Variants in CSTPP1 observed in about 807,000 individuals in gnomAD.
The protein encoded by CSTPP1 is centriolar satellite-associated tubulin polyglutamylase complex regulator 1, also known as UPF0705 protein C11orf49.
At chr11:46,948,346 A>G in the CSTPP1 span, among the ~76,000 whole-genome samples, 1 of 152,238 alleles carries the variant, frequency 6.6e-6, no homozygotes, top group African/African-American at 2.4e-5. Flanking sequence ...CTTGGGCAAC[A>G]TGAGGCTAGC....
chr11:46,951,504 C>T, the CSTPP1 span, among the ~76,000 whole-genome samples: 3 of 152,090 alleles, frequency 2.0e-5, no homozygotes, highest in South Asian at 4.2e-4. Context: ...AGGCTGGTCT[C>T]GAACTCCTGG....
the CSTPP1 span, among the ~76,000 whole-genome samples, chr11:47,072,289 G>A: frequency 2.0e-5 from 3 of 152,220 alleles, no homozygotes; most frequent in African/African-American, 7.2e-5. Flanking sequence ...ATTCTCATCT[G>A]GCATGACCAG....
the CSTPP1 span, among the ~76,000 whole-genome samples, chr11:47,017,073 G>A: frequency 2.7e-5 from 4 of 149,234 alleles, no homozygotes; most frequent in African/African-American, 7.4e-5. Flanking sequence ...GGATGGTCTC[G>A]ATCTCCTGAT....
At chr11:47,113,748 C>G in the CSTPP1 span, among the ~76,000 whole-genome samples, 2 of 152,020 alleles carry the variant, frequency 1.3e-5, no homozygotes, top group African/African-American at 4.8e-5. Flanking sequence ...TGGATATTAG[C>G]CCTTTGTCAG....
chr11:47,097,277 G>C, the CSTPP1 span, among the ~76,000 whole-genome samples: 1 of 126,896 alleles, frequency 7.9e-6, no homozygotes, highest in African/African-American at 2.8e-5. Context: ...GAGGGAGGTG[G>C]GGGGGTCAGC....
chr11:46,995,883 A>T, the CSTPP1 span, among the ~76,000 whole-genome samples: 4 of 152,156 alleles, frequency 2.6e-5, no homozygotes, highest in Non-Finnish European at 5.9e-5. Context: ...GGGGTGTTAA[A>T]GTCTCCCATT....
chr11:47,135,388 G>A, the CSTPP1 span, among the ~76,000 whole-genome samples: 225 of 152,264 alleles, frequency 1.5e-3, no homozygotes, highest in African/African-American at 5.1e-3. Context: ...TACATACCTG[G>A]TGAATCGCAG....
the CSTPP1 span, among the ~76,000 whole-genome samples, chr11:47,095,477 T>C: frequency 9.8e-5 from 15 of 152,342 alleles, no homozygotes; most frequent in East Asian, 2.9e-3. Context: ...GTTGCTTCAT[T>C]GAAGCTTACA....
chr11:47,154,344 A>G, the CSTPP1 span: 1 of 152,372 alleles, frequency 6.6e-6, no homozygotes, highest in African/African-American at 2.4e-5. Flanking sequence ...CCTGCCTGGC[A>G]TGTGATGGAG....
chr11:47,003,078 G>A, the CSTPP1 span, among the ~76,000 whole-genome samples: 7 of 152,194 alleles, frequency 4.6e-5, no homozygotes, highest in Non-Finnish European at 8.8e-5. Flanking sequence ...GGGAAGCCAA[G>A]GTGGGAAAAT....
chr11:47,008,116 C>T, the CSTPP1 span, among the ~76,000 whole-genome samples: 65 of 152,022 alleles, frequency 4.3e-4, no homozygotes, highest in East Asian at 4.7e-3. Flanking sequence ...TACAGGCCTG[C>T]GCCACCATGC....
At chr11:47,070,431 T>C in the CSTPP1 span, among the ~76,000 whole-genome samples, 1 of 152,060 alleles carries the variant, frequency 6.6e-6, no homozygotes, top group Admixed American at 6.6e-5. Context: ...CTTGGGGAGG[T>C]TGTCAAAAAG....
At chr11:46,995,131 A>T in the CSTPP1 span, among the ~76,000 whole-genome samples, 1 of 152,056 alleles carries the variant, frequency 6.6e-6, no homozygotes, top group Non-Finnish European at 1.5e-5. Context: ...TATCCCCTTT[A>T]TCATTTTTTA....
At chr11:47,150,354 C>G in the CSTPP1 span, among the ~76,000 whole-genome samples, 1 of 152,176 alleles carries the variant, frequency 6.6e-6, no homozygotes, top group Non-Finnish European at 1.5e-5. Flanking sequence ...CGTGGCTTCT[C>G]TCACTCATTT....
At chr11:47,086,205 A>G in the CSTPP1 span, among the ~76,000 whole-genome samples, 4 of 135,064 alleles carry the variant, frequency 3.0e-5, no homozygotes, top group African/African-American at 5.3e-5. Flanking sequence ...CCTGGCCAAC[A>G]TGATGAAACC....
the CSTPP1 span, among the ~76,000 whole-genome samples, chr11:47,028,242 C>T: frequency 6.6e-6 from 1 of 152,152 alleles, no homozygotes; most frequent in African/African-American, 2.4e-5. Context: ...TTTTCTATAG[C>T]ATTTACAATT....
the CSTPP1 span, among the ~76,000 whole-genome samples, chr11:47,100,460 A>G: frequency 6.6e-6 from 1 of 152,222 alleles, no homozygotes; most frequent in Non-Finnish European, 1.5e-5. Flanking sequence ...TGCTGTAGGA[A>G]AAATTTATGT....
At chr11:47,067,562 G>A in the CSTPP1 span, among the ~76,000 whole-genome samples, 5 of 152,150 alleles carry the variant, frequency 3.3e-5, no homozygotes, top group Admixed American at 2.0e-4. Flanking sequence ...AAGAGACACC[G>A]GAACTGGTGT....
chr11:47,057,753 C>T, the CSTPP1 span, among the ~76,000 whole-genome samples: 1 of 152,068 alleles, frequency 6.6e-6, no homozygotes, highest in Admixed American at 6.6e-5. Context: ...ACAAATTCTG[C>T]ATATGTGTGG....
Sources: allele counts gnomAD v4.1 joint callset (sites outside exome capture counted in the v4.1 genomes callset), GRCh38; gene constraint gnomAD v4.1.1; transcripts MANE v1.5; gene names NCBI Gene and HGNC (gene_info 2026-07-23, HGNC 2026-07-21).